The following TRAPPC9 variants were observed in gnomAD, a reference collection of about 807,000 sequenced individuals.
TRAPPC9 encodes the protein trafficking protein particle complex subunit 9, also known as IKK2 binding protein.
TRAPPC9 carries 83 observed loss-of-function variants against 124.0 expected under a neutral mutation model. The ratio of observed to expected loss-of-function variants is 0.67; its 90% CI spans 0.56 to 0.80. The LOEUF is 0.80. Ranked by LOEUF, TRAPPC9 falls within the 30% of genes least tolerant of loss-of-function variation. The pLI, the probability that TRAPPC9 is intolerant of heterozygous loss-of-function variation, is 0.00. For missense variants in TRAPPC9, 1,302 were observed against 1,508.3 expected (o/e 0.86, Z 2.27); for synonymous variants, 638 against 617.5 (o/e 1.03, Z -0.49).
chr8:139,889,521 C>T (rs1830206882), intron 20 of TRAPPC9, among the ~76,000 whole-genome samples: 1 of 152,096 alleles, frequency 6.6e-6, no homozygotes, highest in Non-Finnish European at 1.5e-5. Context: ...TTCATGGGTG[C>T]CCAGTTTCAG....
intron 17 of TRAPPC9, among the ~76,000 whole-genome samples, chr8:140,173,562 A>C (rs1587855654): frequency 2.6e-5 from 4 of 152,004 alleles, no homozygotes; most frequent in South Asian, 4.2e-4. Flanking sequence ...TCAAAAAAAA[A>C]AAAAAAAAAA....
chr8:139,942,086 G>A (rs916391538), intron 19 of TRAPPC9, among the ~76,000 whole-genome samples: 1 of 152,152 alleles, frequency 6.6e-6, no homozygotes. Context: ...CAAATTAAAA[G>A]ACTCGCCTTA....
intron 17 of TRAPPC9, among the ~76,000 whole-genome samples, chr8:140,030,786 T>C (rs572365152): frequency 2.6e-5 from 4 of 152,340 alleles, no homozygotes; most frequent in Non-Finnish European, 5.9e-5. Context: ...CTTGTATGTA[T>C]ATGAGATACT....
At chr8:139,767,263 C>T (rs1218451009) in intron 21 of TRAPPC9, among the ~76,000 whole-genome samples, 1 of 152,200 alleles carries the variant, frequency 6.6e-6, no homozygotes, top group Non-Finnish European at 1.5e-5. Context: ...CAGATGTGAG[C>T]CAAGTCTGTG....
rs912088199 is a variant in TRAPPC9, at chr8:139,788,943, T to C, written c.3056-56741A>G. Among the ~76,000 whole-genome samples, 3 of 152,242 alleles carry C rather than the reference T, an allele frequency of 2.0e-5. No individual in the cohort carries two copies. Among genetic ancestry groups the C allele is most frequent in the Non-Finnish European group, 4.4e-5 (3 of 68,044 alleles). On this transcript the variant is annotated intron_variant, in intron 21 of 22. Coordinates refer to ENST00000438773, the MANE Select transcript of TRAPPC9 (RefSeq NM_001160372.4). The surrounding 1 kb of genome is among the most constrained non-coding windows in gnomAD (Gnocchi z 4.9). ...AGAAAAGCCCACGTGGGGAGCATTT[T>C]GTTTTGAAAAAGCCAAAAACAAAAC...
At chr8:140,031,276 G>A (rs1351626562) in intron 17 of TRAPPC9, among the ~76,000 whole-genome samples, 1 of 152,188 alleles carries the variant, frequency 6.6e-6, no homozygotes, top group African/African-American at 2.4e-5. Context: ...CACTTGTCCA[G>A]TTCTCAGTCT....
At chr8:140,376,416 C>T (rs1051047311) in intron 7 of TRAPPC9, among the ~76,000 whole-genome samples, 5 of 151,750 alleles carry the variant, frequency 3.3e-5, no homozygotes, top group Admixed American at 2.0e-4. Flanking sequence ...ATTAGCCAGG[C>T]GTGGTGGCAG....
chr8:140,380,778 GA>G (rs1365729850), intron 7 of TRAPPC9, among the ~76,000 whole-genome samples: 4 of 146,752 alleles, frequency 2.7e-5, no homozygotes, highest in Non-Finnish European at 6.0e-5. Flanking sequence ...GTTCCTAAAA[GA>G]AAACAAGAAA....
At chr8:140,086,687 C>T (rs900844294) in intron 17 of TRAPPC9, among the ~76,000 whole-genome samples, 6 of 152,106 alleles carry the variant, frequency 3.9e-5, no homozygotes, top group African/African-American at 1.4e-4. Context: ...TTTGGGCGGC[C>T]GAGGCTTGGG....
intron 9 of TRAPPC9, among the ~76,000 whole-genome samples, chr8:140,313,704 C>A (rs936272705): frequency 2.0e-4 from 30 of 152,256 alleles, no homozygotes; most frequent in African/African-American, 7.2e-4. Flanking sequence ...TGAAGGGAGT[C>A]AAATGCTAAT....
At chr8:140,408,088 T>G (rs1200322173) in intron 5 of TRAPPC9, among the ~76,000 whole-genome samples, 5 of 152,204 alleles carry the variant, frequency 3.3e-5, no homozygotes, top group African/African-American at 1.2e-4. Context: ...CTAGAAACAC[T>G]AGTAAGCCAT....
chr8:140,408,658 T>A (rs2069583839), intron 5 of TRAPPC9, among the ~76,000 whole-genome samples: 2 of 152,030 alleles, frequency 1.3e-5, no homozygotes, highest in South Asian at 2.1e-4. Flanking sequence ...TAGGCTTTAT[T>A]TTGCAGAGGA....
Position 140,252,093 on chromosome 8 carries a change from C to T in TRAPPC9, c.2431+684G>A, listed in dbSNP as rs1036004081. ...AGGCTGGAGTGCAGTGGCGTGATCT[C>T]GACTCACTGCAACCTCCGCCTCCCA... On this transcript the variant is annotated intron_variant, in intron 16 of 22. Coordinates refer to ENST00000438773, the MANE Select transcript of TRAPPC9 (RefSeq NM_001160372.4). This position sits in a 1 kb window ranked among gnomAD's most constrained non-coding sequence, Gnocchi z 4.2. 3.3e-5 allele frequency among the ~76,000 whole-genome samples: 5 copies of T among 151,098 alleles called. No individual in the cohort carries two copies. Among genetic ancestry groups the T allele is most frequent in the Non-Finnish European group, 5.9e-5 (4 of 67,876 alleles).
chr8:140,250,137 A>G (rs1043119463), intron 16 of TRAPPC9, among the ~76,000 whole-genome samples: 73 of 152,328 alleles, frequency 4.8e-4, no homozygotes, highest in Non-Finnish European at 6.2e-4. Flanking sequence ...CCTTTAATCT[A>G]GAACATTCTT....
intron 18 of TRAPPC9, among the ~76,000 whole-genome samples, chr8:140,008,743 A>C (rs1490091932): frequency 6.6e-6 from 1 of 152,198 alleles, no homozygotes; most frequent in Non-Finnish European, 1.5e-5. Context: ...ATAGATACAG[A>C]ATGGTTTTTT....
chr8:139,737,466 T>TCGCC (rs1554633751), intron 21 of TRAPPC9, among the ~76,000 whole-genome samples: 1 of 41,368 alleles, frequency 2.4e-5, no homozygotes, highest in Non-Finnish European at 5.2e-5. Flanking sequence ...TCATCAGCCC[T>TCGCC]CCCCCCCCCC....
At chr8:140,458,081 A>AGG (rs2071762148), upstream of TRAPPC9, among the ~76,000 whole-genome samples, 6 of 64,808 alleles carry the variant, frequency 9.3e-5, no homozygotes, top group African/African-American at 3.8e-4. Flanking sequence ...GGGGACAGGG[A>AGG]GAGGGTGGAG....
At chr8:139,985,897 A>AT (rs1251006230) in intron 19 of TRAPPC9, among the ~76,000 whole-genome samples, 4 of 152,232 alleles carry the variant, frequency 2.6e-5, no homozygotes, top group African/African-American at 9.6e-5. Flanking sequence ...AATAACGCTG[A>AT]TTTTTAAAGT....
chr8:140,258,675 T>C (rs1258395989), intron 15 of TRAPPC9, among the ~76,000 whole-genome samples: 1 of 152,248 alleles, frequency 6.6e-6, no homozygotes, highest in Non-Finnish European at 1.5e-5. Flanking sequence ...CCCAGTAGAT[T>C]CATAAATGGC....
Sources: gnomAD v4.1 joint callset for allele counts (sites outside exome capture counted in the v4.1 genomes callset) on GRCh38, gnomAD v4.1.1 for gene constraint, Gnocchi (gnomAD v3.1) non-coding constraint, MANE v1.5 for transcripts, NCBI Gene and HGNC (gene_info 2026-07-23, HGNC 2026-07-21) for gene names.